Variants in FBXL7 observed in about 807,000 individuals in gnomAD.
FBXL7 encodes the protein F-box/LRR-repeat protein 7.
FBXL7 carries 12 observed loss-of-function variants against 38.3 expected under a neutral mutation model. That is an observed-to-expected ratio of 0.31 (90% CI 0.20 to 0.51). The LOEUF (loss-of-function observed/expected upper bound fraction) is 0.51. Among genes scored for constraint, FBXL7 ranks in the 20% least tolerant of loss-of-function variants. The probability of loss-of-function intolerance (pLI) is 0.98; values close to 1 mark genes in which losing one functional copy is unlikely to be tolerated. For synonymous variants in FBXL7, 297 were observed against 300.9 expected (o/e 0.99, Z 0.13); for missense variants, 567 against 676.4 (o/e 0.84, Z 1.79).
chr5:15,604,180 G>T (rs958359527), intron 1 of FBXL7, among the ~76,000 whole-genome samples: 2 of 152,030 alleles, frequency 1.3e-5, no homozygotes, highest in African/African-American at 4.8e-5. Flanking sequence ...AAAAATAAAA[G>T]GGAGGACTGT....
At chr5:15,708,764 C>A (rs1419266776) in intron 2 of FBXL7, among the ~76,000 whole-genome samples, 1 of 151,874 alleles carries the variant, frequency 6.6e-6, no homozygotes, top group East Asian at 1.9e-4. Context: ...GTGTCTTTTT[C>A]TTTGGTGTTT....
chr5:15,863,416 T>G (rs1739564933), intron 2 of FBXL7, among the ~76,000 whole-genome samples: 1 of 152,158 alleles, frequency 6.6e-6, no homozygotes, highest in Non-Finnish European at 1.5e-5. Flanking sequence ...TTCACATAAA[T>G]CAAGGCAGGA....
intron 1 of FBXL7, among the ~76,000 whole-genome samples, chr5:15,523,875 G>A (rs564745032): frequency 2.6e-4 from 39 of 152,292 alleles, no homozygotes; most frequent in Non-Finnish European, 5.4e-4. Flanking sequence ...CTGGCAGCAT[G>A]TGTGCAGCTT....
At position 15,932,317 on chromosome 5, in the gene FBXL7, T is replaced by C. The variant is rs17704906; in HGVS notation, c.739+3816T>C. Reference sequence around the variant, plus strand: ...CGCAGCTGTCATTGTCGTTGTATTGTCCTTGTTATTAACCTGCCTGGAAGT... The same window carrying C: ...CGCAGCTGTCATTGTCGTTGTATTGCCCTTGTTATTAACCTGCCTGGAAGT... On this transcript the variant is annotated intron_variant, in intron 3 of 3. Transcript: ENST00000504595. Among the ~76,000 whole-genome samples the C allele has an allele frequency of 2.1e-3, 319 of 152,298 alleles. 2 individuals are homozygous for C. The East Asian group carries it at 0.041, about 19-fold the overall frequency.
chr5:15,681,313 G>A (rs1214218092), intron 2 of FBXL7, among the ~76,000 whole-genome samples: 1 of 152,128 alleles, frequency 6.6e-6, no homozygotes, highest in African/African-American at 2.4e-5. Flanking sequence ...AACACAATTG[G>A]AAATAACCTG....
rs376360114 is a variant in FBXL7 at position 15,787,421 on chromosome 5, G to A, written c.128-140469G>A. Among the ~76,000 whole-genome samples, 8 of 152,294 alleles carry A rather than the reference G, an allele frequency of 5.3e-5. No individual in the cohort carries two copies. In the South Asian group the frequency reaches 1.5e-3, roughly 28 times the overall value. ...GCTTTAAAGAAGATGAAGGCAAGCCGTGCAGAGATGGGCCAGGAGGAGATT... is the reference window on the plus strand; with the variant it reads ...GCTTTAAAGAAGATGAAGGCAAGCCATGCAGAGATGGGCCAGGAGGAGATT... On this transcript the variant is annotated intron_variant, in intron 2 of 3. Transcript: ENST00000504595.
At chr5:15,683,678 G>A (rs1443785728) in intron 2 of FBXL7, among the ~76,000 whole-genome samples, 2 of 152,118 alleles carry the variant, frequency 1.3e-5, no homozygotes, top group Non-Finnish European at 2.9e-5. Flanking sequence ...TCTACTCCTG[G>A]GGGAGGCCCG....
intron 2 of FBXL7, among the ~76,000 whole-genome samples, chr5:15,917,171 C>T (rs944156797): frequency 6.6e-6 from 1 of 152,196 alleles, no homozygotes; most frequent in Non-Finnish European, 1.5e-5. Flanking sequence ...AAACTTAAGA[C>T]ATTGACATTC....
At chr5:15,833,868 T>TA (rs769492689) in intron 2 of FBXL7, among the ~76,000 whole-genome samples, 1 of 152,218 alleles carries the variant, frequency 6.6e-6, no homozygotes, top group Non-Finnish European at 1.5e-5. Flanking sequence ...TGATATTGAC[T>TA]ACTTTGACAA....
At position 15,937,196 on chromosome 5, in the gene FBXL7, G is replaced by T. The variant is rs1028455705; in HGVS notation, c.*10G>T. 6.4e-7 allele frequency: 1 copy of T among 1,571,058 alleles called. No homozygotes were observed. Among genetic ancestry groups the T allele is most frequent in the Non-Finnish European group, 8.6e-7 (1 of 1,156,918 alleles). ...CCCGGCTTTCTTCTGAAGGGACAGA[G>T]TTCATCCGGCGTTGTATTCACACAA... On this transcript the variant is annotated 3_prime_UTR_variant, in exon 4 of 4. Transcript: ENST00000504595.
intron 2 of FBXL7, among the ~76,000 whole-genome samples, chr5:15,704,849 T>G (rs1205361762): frequency 6.6e-6 from 1 of 152,190 alleles, no homozygotes; most frequent in Non-Finnish European, 1.5e-5. Flanking sequence ...CTGTTTTACC[T>G]AATTTCTCAA....
At chr5:15,582,794 C>T (rs1739181588) in intron 1 of FBXL7, among the ~76,000 whole-genome samples, 1 of 152,134 alleles carries the variant, frequency 6.6e-6, no homozygotes, top group African/African-American at 2.4e-5. Flanking sequence ...TGCTTGAGCC[C>T]CCTCACCCTA....
At chr5:15,774,251 C>T (rs1262168589) in intron 2 of FBXL7, among the ~76,000 whole-genome samples, 1 of 152,102 alleles carries the variant, frequency 6.6e-6, no homozygotes, top group Non-Finnish European at 1.5e-5. Flanking sequence ...TCTTCCTCCC[C>T]TCTAACAAAT....
At chr5:15,766,134 T>G (rs1736585179) in intron 2 of FBXL7, among the ~76,000 whole-genome samples, 1 of 152,136 alleles carries the variant, frequency 6.6e-6, no homozygotes, top group Non-Finnish European at 1.5e-5. Flanking sequence ...TTTCTTAGCT[T>G]CTTCTTTGGT....
chr5:15,748,806 G>A (rs896197720), intron 2 of FBXL7, among the ~76,000 whole-genome samples: 2 of 152,108 alleles, frequency 1.3e-5, no homozygotes, highest in Non-Finnish European at 2.9e-5. Context: ...GGACTCAAGT[G>A]ATATTCCCAC....
intron 2 of FBXL7, among the ~76,000 whole-genome samples, chr5:15,857,261 A>G (rs1009038395): frequency 1.2e-4 from 18 of 152,170 alleles, no homozygotes; most frequent in African/African-American, 4.3e-4. Flanking sequence ...AATATTAACT[A>G]TGTAAAGTAT....
intron 2 of FBXL7, among the ~76,000 whole-genome samples, chr5:15,653,183 A>C (rs189268934): frequency 1.2e-4 from 18 of 152,282 alleles, no homozygotes; most frequent in African/African-American, 4.3e-4. Flanking sequence ...ATAATGAAAA[A>C]CTTTGAAATA....
At chr5:15,702,172 A>G (rs1743544477) in intron 2 of FBXL7, among the ~76,000 whole-genome samples, 1 of 150,036 alleles carries the variant, frequency 6.7e-6, no homozygotes. Context: ...CAGGAGGCGG[A>G]GGTTGCCATG....
chr5:15,852,747 A>G (rs1217555632), intron 2 of FBXL7, among the ~76,000 whole-genome samples: 3 of 151,662 alleles, frequency 2.0e-5, no homozygotes, highest in Admixed American at 1.3e-4. Flanking sequence ...TGAATTTGGA[A>G]CTAAACCTGG....
Sources: allele counts gnomAD v4.1 joint callset (sites outside exome capture counted in the v4.1 genomes callset), GRCh38; gene constraint gnomAD v4.1.1; transcripts MANE v1.5; gene names NCBI Gene and HGNC (gene_info 2026-07-23, HGNC 2026-07-21).